The following CENPK variants were observed in gnomAD, a reference collection of about 807,000 sequenced individuals.
The protein encoded by CENPK is centromere protein K, also known as SoxLZ/Sox6-binding protein Solt.
A neutral mutation model predicts 40.9 loss-of-function variants in CENPK; 46 were observed. The observed-to-expected ratio is 1.13, with a 90% CI of 0.89 to 1.44. The LOEUF (loss-of-function observed/expected upper bound fraction) is 1.44, where lower values mean the gene tolerates loss of function less well. Among genes scored for constraint, CENPK ranks in the 40% most tolerant of loss-of-function variants. CENPK has a pLI of 0.00. For missense variants in CENPK, 288 were observed against 303.5 expected (o/e 0.95, Z 0.38); for synonymous variants, 107 against 104.4 (o/e 1.02, Z -0.15).
At chr5:65,503,159 G>A in the CENPK span, among the ~76,000 whole-genome samples, 1 of 141,930 alleles carries the variant, frequency 7.0e-6, no homozygotes, top group Non-Finnish European at 1.5e-5. Context: ...CTCCTAGGCT[G>A]GATGCAGTGT....
the CENPK span, among the ~76,000 whole-genome samples, chr5:65,502,017 C>T: frequency 6.6e-6 from 1 of 152,132 alleles, no homozygotes; most frequent in East Asian, 1.9e-4. Context: ...GAGGAAAGTC[C>T]TGACTCCCAA....
At chr5:65,509,850 CTT>C in the CENPK span, among the ~76,000 whole-genome samples, 2 of 152,302 alleles carry the variant, frequency 1.3e-5, no homozygotes, top group Middle Eastern at 3.4e-3. Context: ...CATTTCAAAA[CTT>C]TTCATTATTA....
Position 65,554,782 on chromosome 5 carries a change from T to C in CENPK, c.111+15A>G. On this transcript the variant is annotated intron_variant, in intron 3 of 10. Transcript: ENST00000396679. The stretch of plus-strand genomic sequence containing the variant: ...AATCTTATATTAACTATCACTTCTA[T>C]CTTTTGAAACTTACTTCTTCCATAT... 1 of 1,279,498 alleles carries C rather than the reference T, an allele frequency of 7.8e-7. No individual in the cohort carries two copies. The highest frequency in any genetic ancestry group is 1.1e-6 in the Non-Finnish European group (1 of 877,914). 79.3% of individuals were successfully genotyped at this position (1,279,498 alleles called of 1,614,324 possible).
the CENPK span, among the ~76,000 whole-genome samples, chr5:65,504,496 G>C: frequency 6.9e-6 from 1 of 145,006 alleles, no homozygotes; most frequent in African/African-American, 2.5e-5. Context: ...TATTTCTCTC[G>C]TAAGTTAACT....
At chr5:65,543,526 A>G (rs369297802) in intron 5 of CENPK, among the ~76,000 whole-genome samples, 1 of 152,190 alleles carries the variant, frequency 6.6e-6, no homozygotes, top group South Asian at 2.1e-4. Flanking sequence ...CATATCACAC[A>G]TATTATATTC....
At chr5:65,503,516 T>C in the CENPK span, among the ~76,000 whole-genome samples, 1 of 152,230 alleles carries the variant, frequency 6.6e-6, no homozygotes, top group East Asian at 1.9e-4. Context: ...TCTCCCACTC[T>C]GTGGGTTGCC....
chr5:65,513,843 G>C (rs34692614), downstream of CENPK, among the ~76,000 whole-genome samples: 1 of 152,116 alleles, frequency 6.6e-6, no homozygotes, highest in South Asian at 2.1e-4. Context: ...GTTAGCTGTA[G>C]GTTTTTTGTA....
chr5:65,541,513 G>A (rs549074469), intron 6 of CENPK: 19 of 449,048 alleles, frequency 4.2e-5, no homozygotes, highest in Non-Finnish European at 5.9e-5. Context: ...ATTGAGTGGT[G>A]ACGGAGACTA....
At chr5:65,544,473 A>C (rs989928474) in intron 5 of CENPK, among the ~76,000 whole-genome samples, 13 of 152,336 alleles carry the variant, frequency 8.5e-5, no homozygotes, top group African/African-American at 3.1e-4. Flanking sequence ...GGAAAATAGT[A>C]TAGGTGGTTC....
intron 5 of CENPK, among the ~76,000 whole-genome samples, chr5:65,548,362 C>A (rs1419304374): frequency 6.6e-6 from 1 of 152,322 alleles, no homozygotes; most frequent in Middle Eastern, 3.4e-3. Context: ...TAATCTGAGC[C>A]TTCGGTGAGT....
chr5:65,514,817 A>T (rs1041134295), downstream of CENPK, among the ~76,000 whole-genome samples: 1 of 152,160 alleles, frequency 6.6e-6, no homozygotes, highest in Non-Finnish European at 1.5e-5. Flanking sequence ...GGTCCATTTC[A>T]TCTGTTATCA....
intron 6 of CENPK, among the ~76,000 whole-genome samples, chr5:65,539,199 T>C (rs1249375319): frequency 6.6e-6 from 1 of 152,218 alleles, no homozygotes; most frequent in East Asian, 1.9e-4. Context: ...AATTCAGGTC[T>C]TCCTCACATG....
the CENPK span, among the ~76,000 whole-genome samples, chr5:65,498,442 C>T: frequency 2.6e-5 from 4 of 151,846 alleles, no homozygotes; most frequent in African/African-American, 9.7e-5. Context: ...TTCCTTTAAA[C>T]CTCTTTACCT....
downstream of CENPK, among the ~76,000 whole-genome samples, chr5:65,517,062 C>G (rs968636049): frequency 5.9e-5 from 9 of 152,062 alleles, no homozygotes; most frequent in Non-Finnish European, 1.0e-4. Flanking sequence ...CCTGCCTCAG[C>G]CTTCAAGTAG....
chr5:65,517,053 C>T (rs1197686577), downstream of CENPK, among the ~76,000 whole-genome samples: 2 of 152,072 alleles, frequency 1.3e-5, no homozygotes, highest in African/African-American at 4.8e-5. Flanking sequence ...AGCGATTCCC[C>T]TGCCTCAGCC....
At chr5:65,496,819 C>G in the CENPK span, among the ~76,000 whole-genome samples, 2 of 151,564 alleles carry the variant, frequency 1.3e-5, no homozygotes, top group South Asian at 4.2e-4. Context: ...TTTGGGACGC[C>G]GAGGTAGGTA....
downstream of CENPK, among the ~76,000 whole-genome samples, chr5:65,517,232 C>T (rs1035442231): frequency 6.6e-5 from 10 of 152,124 alleles, no homozygotes; most frequent in East Asian, 7.7e-4. Flanking sequence ...CATGAGCCAC[C>T]GTGTCTGGCT....
chr5:65,508,436 T>C, the CENPK span, among the ~76,000 whole-genome samples: 1 of 152,222 alleles, frequency 6.6e-6, no homozygotes, highest in African/African-American at 2.4e-5. Context: ...TATCTCCTTA[T>C]AACATATCCG....
At chr5:65,499,649 A>ATG in the CENPK span, among the ~76,000 whole-genome samples, 1 of 76,756 alleles carries the variant, frequency 1.3e-5, no homozygotes, top group Non-Finnish European at 2.7e-5. Context: ...AAAATATTAG[A>ATG]TCTTTTTTTT....
Sources: allele counts gnomAD v4.1 joint callset (sites outside exome capture counted in the v4.1 genomes callset), GRCh38; gene constraint gnomAD v4.1.1; transcripts MANE v1.5; gene names NCBI Gene and HGNC (gene_info 2026-07-23, HGNC 2026-07-21).